The following OXNAD1 variants were observed in gnomAD, a reference collection of about 807,000 sequenced individuals.
OXNAD1 encodes oxidoreductase NAD-binding domain-containing protein 1.
Under a neutral mutation model 32.9 loss-of-function variants are expected in OXNAD1, and 34 were observed. The observed-to-expected ratio is 1.03, with a 90% confidence interval of 0.79 to 1.38. The LOEUF is 1.38. Among genes scored for constraint, OXNAD1 ranks in the 40% most tolerant of loss-of-function variants. The pLI is 0.00. For synonymous variants in OXNAD1, 134 were observed against 135.2 expected, an observed-to-expected ratio of 0.99 and a Z score of 0.06; for missense variants, 407 against 379.4, an observed-to-expected ratio of 1.07 and a Z score of -0.60.
intron 4 of OXNAD1, chr3:16,275,716 G>A (rs2065272541): frequency 5.8e-6 from 1 of 172,624 alleles, no homozygotes; most frequent in South Asian, 1.5e-4. Flanking sequence ...GGCAATAATA[G>A]ATTATTTATT....
rs769522200 is a variant in OXNAD1 at position 16,294,999 on chromosome 3, T to G, written c.432+2T>G. ...CCTGCCCTCTGGGTTCACAATACGG[T>G]AAGCACACTGCCTGTTTAAACGCGA... On this transcript the variant is annotated splice_donor_variant, in intron 6 of 8. Coordinates refer to ENST00000285083, the MANE Select transcript of OXNAD1 (RefSeq NM_138381.5). LOFTEE classifies it high-confidence loss of function. The G allele has an allele frequency of 1.6e-5, 26 of 1,609,056 alleles. No individual in the cohort carries two copies. The highest frequency in any genetic ancestry group is 2.1e-5 in the Non-Finnish European group (25 of 1,177,942).
Position 16,271,660 on chromosome 3 carries a change from A to T in OXNAD1, c.121A>T (p.Ile41Leu), listed in dbSNP as rs767406725. The change falls in exon 4 of 9, where the codon ATA becomes TTA. Residue 41 changes from isoleucine to leucine, a missense_variant and splice_region_variant. Transcript: ENST00000285083. The surrounding 1 kb of genome is among the most constrained non-coding windows in gnomAD (Gnocchi z 4.6). ...STLRHLTLTSIMKSKRKTDHM... is the reference protein window; with the variant it reads ...STLRHLTLTSLMKSKRKTDHM... Reference sequence around the variant, plus strand: ...ACCTAATTTTACTTTCTATTAAAGCATAATGAAATCCAAAAGGAAAACTGA... The same window carrying T: ...ACCTAATTTTACTTTCTATTAAAGCTTAATGAAATCCAAAAGGAAAACTGA... 56 of 1,595,290 alleles carry T rather than the reference A, an allele frequency of 3.5e-5. No homozygotes were observed. In the East Asian group the frequency reaches 9.6e-4, roughly 27 times the overall value.
chr3:16,338,794 A>G (rs959713383), downstream of OXNAD1, among the ~76,000 whole-genome samples: 3 of 152,206 alleles, frequency 2.0e-5, no homozygotes, highest in African/African-American at 7.2e-5. This position sits in a 1 kb window ranked among gnomAD's most constrained non-coding sequence, Gnocchi z 5.3. Context: ...AGGGATTGAA[A>G]AAAGGAGCTT....
At position 16,317,301 on chromosome 3, in the gene OXNAD1, T is replaced by C. The variant is rs1160504306; in HGVS notation, c.*30+13709T>C. On this transcript the variant is annotated intron_variant, in intron 9 of 9. Transcript: ENST00000435829. The surrounding 1 kb of genome is among the most constrained non-coding windows in gnomAD (Gnocchi z 4.3). ...ACCCAGAGCTTCACCCAAAGCCTTG[T>C]TTGCATTCATACCCACACCATGTCT... The C allele has an allele frequency of 4.6e-6, 7 of 1,508,320 alleles. No individual in the cohort carries two copies. The highest frequency in any genetic ancestry group is 5.4e-6 in the Non-Finnish European group (6 of 1,105,602). The allele number at this position is 1,508,320 out of a possible 1,614,324, so 93.4% of individuals were successfully genotyped here. A position where few individuals can be genotyped will look rare whatever the true frequency, so the allele number is the denominator to read the frequency against.
At chr3:16,308,961 C>T (rs2125118883), downstream of OXNAD1, among the ~76,000 whole-genome samples, 1 of 152,018 alleles carries the variant, frequency 6.6e-6, no homozygotes, top group Admixed American at 6.5e-5. This position sits in a 1 kb window ranked among gnomAD's most constrained non-coding sequence, Gnocchi z 4.4. Context: ...AATGTGACCA[C>T]AAATATTAAA....
chr3:16,270,436 G>C (rs781240296), intron 2 of OXNAD1, among the ~76,000 whole-genome samples: 3 of 152,080 alleles, frequency 2.0e-5, no homozygotes, highest in African/African-American at 7.2e-5. Flanking sequence ...ATGGCATTTG[G>C]ATAGTTTCCA....
intron 4 of OXNAD1, among the ~76,000 whole-genome samples, chr3:16,283,369 A>G (rs976224747): frequency 6.6e-6 from 1 of 152,194 alleles, no homozygotes; most frequent in Admixed American, 6.5e-5. Flanking sequence ...GGGAGGGTCA[A>G]GCTAACCTGG....
At chr3:16,330,678 G>C (rs533766091) in intron 9 of OXNAD1, among the ~76,000 whole-genome samples, 1 of 152,164 alleles carries the variant, frequency 6.6e-6, no homozygotes, top group African/African-American at 2.4e-5. Flanking sequence ...TTTTCAACTC[G>C]TATAAAAGGA....
At position 16,314,665 on chromosome 3, in the gene OXNAD1, C is replaced by CT. The variant is rs1559789962; in HGVS notation, c.*30+11074dup. Reference sequence around the variant, plus strand: ...ACCTTTAGGAACTGTTAGCCTGACACTAGGGCCAAACTCTCTTGAGGAATT... The same window carrying CT: ...ACCTTTAGGAACTGTTAGCCTGACACTTAGGGCCAAACTCTCTTGAGGAATT... On this transcript the variant is annotated intron_variant, in intron 9 of 9. Coordinates refer to the OXNAD1 transcript ENST00000435829. The surrounding 1 kb of genome is among the most constrained non-coding windows in gnomAD (Gnocchi z 4.4). 1 of 151,996 alleles carries CT rather than the reference C, an allele frequency of 6.6e-6. No individual in the cohort carries two copies. Among genetic ancestry groups the CT allele is most frequent in the Non-Finnish European group, 1.5e-5 (1 of 68,042 alleles). 9.4% of individuals were successfully genotyped at this position (151,996 alleles called of 1,614,324 possible).
chr3:16,339,935 A>G (rs2071201337), downstream of OXNAD1: 2 of 152,222 alleles, frequency 1.3e-5, no homozygotes, highest in Admixed American at 1.3e-4. Context: ...ATTGCTGTAA[A>G]TCATGCCTAA....
intron 9 of OXNAD1, among the ~76,000 whole-genome samples, chr3:16,328,735 T>G (rs1574989059): frequency 6.6e-6 from 1 of 152,176 alleles, no homozygotes; most frequent in African/African-American, 2.4e-5. Flanking sequence ...AATCTGTGTT[T>G]TAAAAAGCCC....
downstream of OXNAD1, among the ~76,000 whole-genome samples, chr3:16,307,044 A>G (rs912154204): frequency 1.3e-5 from 2 of 152,230 alleles, no homozygotes; most frequent in Non-Finnish European, 2.9e-5. Flanking sequence ...ATTGTTCCAT[A>G]TAGAACTTTC....
intron 4 of OXNAD1, among the ~76,000 whole-genome samples, chr3:16,285,441 A>G (rs2066010472): frequency 6.6e-6 from 1 of 152,182 alleles, no homozygotes; most frequent in Non-Finnish European, 1.5e-5. Context: ...ACAGACATAG[A>G]AGGTTGAGGA....
At chr3:16,337,556 A>G (rs1402118913), downstream of OXNAD1, among the ~76,000 whole-genome samples, 1 of 151,996 alleles carries the variant, frequency 6.6e-6, no homozygotes, top group Non-Finnish European at 1.5e-5. This position sits in a 1 kb window ranked among gnomAD's most constrained non-coding sequence, Gnocchi z 5.0. Flanking sequence ...ACCCTGGCCA[A>G]CATGGTGAAA....
rs1559843974 is a variant in OXNAD1, at chr3:16,345,855, T to TGTGC, written c.*31-3321_*31-3320insGTGC. Among the ~76,000 whole-genome samples the TGTGC allele has an allele frequency of 0.013, 783 of 61,682 alleles. 11 individuals are homozygous for TGTGC. The highest frequency in any genetic ancestry group is 0.018 in the Admixed American group (123 of 7,022). The allele number at this position is 61,682 out of a possible 152,430, so 40.5% of individuals were successfully genotyped here. ...GCGCGCACGCGCACATGTGCATGTG[T>TGTGC]ATGTGTATAATCTCCTACTGGTTCT... is the stretch of plus-strand genomic sequence containing the variant. On this transcript the variant is annotated intron_variant, in intron 9 of 9. Transcript: ENST00000606098. The surrounding 1 kb of genome is among the most constrained non-coding windows in gnomAD (Gnocchi z 5.2).
downstream of OXNAD1, among the ~76,000 whole-genome samples, chr3:16,306,623 T>A (rs1004102429): frequency 3.3e-5 from 5 of 152,244 alleles, no homozygotes; most frequent in African/African-American, 1.2e-4. Context: ...CATGATTCAT[T>A]TGTTAAAGAA....
chr3:16,296,422 A>G (rs2066796640), intron 6 of OXNAD1, among the ~76,000 whole-genome samples: 1 of 152,360 alleles, frequency 6.6e-6, no homozygotes, highest in South Asian at 2.1e-4. Flanking sequence ...CAGATTTAAC[A>G]TAACAATAAT....
Position 16,305,203 on chromosome 3 carries a change from G to A in OXNAD1, c.*1641G>A, listed in dbSNP as rs1044421734. On this transcript the variant is annotated 3_prime_UTR_variant, in exon 9 of 9. Coordinates refer to ENST00000285083, the MANE Select transcript of OXNAD1 (RefSeq NM_138381.5). The surrounding 1 kb of genome is among the most constrained non-coding windows in gnomAD (Gnocchi z 4.5). ...CTGGTGAAGGCAGTCTGCGGGGGAG[G>A]ACACCTAAAGGTATGCGGAAAGTAC... The A allele has an allele frequency of 4.6e-5, 7 of 152,374 alleles. No individual in the cohort carries two copies. Among genetic ancestry groups the A allele is most frequent in the Non-Finnish European group, 8.8e-5 (6 of 68,220 alleles). The allele number at this position is 152,374 out of a possible 1,614,324, so 9.4% of individuals were successfully genotyped here.
intron 9 of OXNAD1, among the ~76,000 whole-genome samples, chr3:16,343,052 C>T (rs1198741333): frequency 2.6e-5 from 4 of 152,154 alleles, no homozygotes; most frequent in African/African-American, 9.6e-5. Flanking sequence ...ACTATGTTGC[C>T]CAGGCTGGTT....
Sources: allele counts gnomAD v4.1 joint callset (sites outside exome capture counted in the v4.1 genomes callset), GRCh38; gene constraint gnomAD v4.1.1; non-coding constraint Gnocchi (gnomAD v3.1); transcripts MANE v1.5; gene names NCBI Gene and HGNC (gene_info 2026-07-23, HGNC 2026-07-21).